PGS1: variants seen among roughly 807,000 people sequenced by gnomAD.
The protein encoded by PGS1 is CDP-diacylglycerol--glycerol-3-phosphate 3-phosphatidyltransferase, mitochondrial.
Under a neutral mutation model 58.3 loss-of-function variants are expected in PGS1, and 44 were observed. That is an observed-to-expected ratio of 0.75 (90% CI 0.59 to 0.97). The LOEUF (loss-of-function observed/expected upper bound fraction) is 0.97, where lower values mean the gene tolerates loss of function less well. Ranked by LOEUF, PGS1 falls within the 50% of genes least tolerant of loss-of-function variation. PGS1 has a pLI of 0.00. For missense variants in PGS1, 684 were observed against 731.1 expected (o/e 0.94, Z 0.74); for synonymous variants, 330 against 311.0 (o/e 1.06, Z -0.64).
At chr17:78,423,874 C>T (rs2086221390) in intron 9 of PGS1, 187 bp from the exon 10 acceptor site, 1 of 1,611,748 alleles carries the variant, frequency 6.2e-7, no homozygotes, top group Admixed American at 1.7e-5. Flanking sequence ...TGGTCCAGCC[C>T]CAGGGAGTGT....
At chr17:78,392,008 G>A (rs1459800189) in intron 1 of PGS1, among the ~76,000 whole-genome samples, 2 of 152,160 alleles carry the variant, frequency 1.3e-5, no homozygotes, top group Non-Finnish European at 2.9e-5. Flanking sequence ...GTCATAAAGC[G>A]GGGCATCTGG....
intron 6 of PGS1, among the ~76,000 whole-genome samples, chr17:78,401,439 C>T (rs764259223): frequency 6.6e-6 from 1 of 152,202 alleles, no homozygotes; most frequent in Non-Finnish European, 1.5e-5. Context: ...TCAGCTCTGC[C>T]CACTGGAACC....
intron 1 of PGS1, among the ~76,000 whole-genome samples, chr17:78,381,457 T>G (rs1433233514): frequency 6.6e-6 from 1 of 152,172 alleles, no homozygotes; most frequent in East Asian, 1.9e-4. Flanking sequence ...CTTATTCGGT[T>G]TGCAGTTCTT....
intron 8 of PGS1, among the ~76,000 whole-genome samples, chr17:78,417,195 G>C (rs1472866287): frequency 6.6e-6 from 1 of 152,206 alleles, no homozygotes; most frequent in Non-Finnish European, 1.5e-5. Context: ...CTGTTGTGGA[G>C]TCTGTGAGGA....
Position 78,403,618 on chromosome 17 carries a change from A to G in PGS1, c.931A>G (p.Ile311Val), listed in dbSNP as rs2083873278. The G allele has an allele frequency of 1.2e-6, 2 of 1,614,066 alleles. No individual in the cohort carries two copies. The highest frequency in any genetic ancestry group is 1.6e-4 in the Middle Eastern group (1 of 6,062). Residue 311 changes from isoleucine (I) to valine (V), a missense_variant, in exon 7 of 10, where the codon ATC becomes GTC. Transcript: ENST00000262764. ...AGCCAATAAGAGGGTCATGGATGTG[A>G]TCAACTCAGCCAGGACCCGCCAGCA... The part of the protein sequence containing the change: ...KAANKRVMDV[I>V]NSARTRQQML...
chr17:78,398,392 C>G lies in PGS1; in HGVS notation c.511+41C>G, dbSNP rs1276666511. The G allele has an allele frequency of 2.3e-6, 3 of 1,323,616 alleles. No individual in the cohort carries two copies. In the Admixed American group the frequency reaches 5.0e-5, roughly 22 times the overall value. The allele number at this position is 1,323,616 out of a possible 1,614,324, so 82.0% of individuals were successfully genotyped here. On this transcript the variant is annotated intron_variant, in intron 4 of 9. Transcript: ENST00000262764. ...GCCTGGCCCCTCCTGCTTCCTGTGT[C>G]AGATCCTCAGTCCCAAGAGGGGTTA...
chr17:78,409,538 A>T (rs2084447301), intron 7 of PGS1, among the ~76,000 whole-genome samples: 1 of 152,226 alleles, frequency 6.6e-6, no homozygotes, highest in South Asian at 2.1e-4. Flanking sequence ...CTGGGCACCC[A>T]GTGGGTGTGG....
At chr17:78,381,407 G>A (rs1022796700) in intron 1 of PGS1, among the ~76,000 whole-genome samples, 2 of 152,144 alleles carry the variant, frequency 1.3e-5, no homozygotes, top group Admixed American at 1.3e-4. Flanking sequence ...TGCTTTGACC[G>A]GTATTGAGTG....
At position 78,392,642 on chromosome 17, in the gene PGS1, G is replaced by C; in HGVS notation, c.310G>C (p.Ala104Pro). 1 of 1,613,828 alleles carries C rather than the reference G, an allele frequency of 6.2e-7. No homozygotes were observed. Among genetic ancestry groups the C allele is most frequent in the Non-Finnish European group, 8.5e-7 (1 of 1,179,884 alleles). ...SSHVRVLSSPAEFFELMKGQI... is the reference protein window; with the variant it reads ...SSHVRVLSSPPEFFELMKGQI... The stretch of plus-strand genomic sequence containing the variant: ...TCACGTTAGGGTGCTTTCTTCCCCG[G>C]CAGAGTTTTTCGAGCTCATGAAGGT... Residue 104 changes from alanine to proline, a missense_variant, in exon 2 of 10, where the codon GCA becomes CCA. Physicochemically the swap from Ala to Pro is conservative, Grantham distance 27 (BLOSUM62 -1). Coordinates refer to ENST00000262764, the MANE Select transcript of PGS1 (RefSeq NM_024419.5).
intron 9 of PGS1, chr17:78,420,441 C>T (rs776748961): frequency 6.3e-6 from 1 of 159,694 alleles, no homozygotes; most frequent in Non-Finnish European, 1.3e-5. Flanking sequence ...GGACTGCACT[C>T]CGGGTGGGGT....
chr17:78,395,682 A>G (rs1239252452), intron 2 of PGS1, among the ~76,000 whole-genome samples: 4 of 152,150 alleles, frequency 2.6e-5, no homozygotes, highest in East Asian at 1.9e-4. Flanking sequence ...CTGTCCATCT[A>G]TGTTTCAAGA....
intron 1 of PGS1, among the ~76,000 whole-genome samples, chr17:78,383,828 T>C (rs562641069): frequency 1.1e-3 from 166 of 152,352 alleles, no homozygotes; most frequent in African/African-American, 3.7e-3. Context: ...TGAATATTAA[T>C]GTGAGTATCC....
chr17:78,402,427 T>TATAC (rs1567973208), intron 6 of PGS1, among the ~76,000 whole-genome samples: 1 of 8,364 alleles, frequency 1.2e-4, no homozygotes, highest in African/African-American at 7.8e-4. Context: ...TATATATATA[T>TATAC]ACACACACAC....
Position 78,378,725 on chromosome 17 carries a change from C to G in PGS1, c.60C>G (p.Leu20=), listed in dbSNP as rs575655675. The change falls in exon 1 of 10, where the codon CTC becomes CTG. Residue 20 remains leucine (L), a synonymous_variant. Coordinates refer to ENST00000262764, the MANE Select transcript of PGS1 (RefSeq NM_024419.5). Reference sequence around the variant, plus strand: ...TGTTCTGGAGGCGACTGCTGGGCCTCCTGCCTGGCCGCCCAGGGCTGGCCG... The same window carrying G: ...TGTTCTGGAGGCGACTGCTGGGCCTGCTGCCTGGCCGCCCAGGGCTGGCCG... The part of the protein sequence containing the change: ...GPVFWRRLLG[L]LPGRPGLAAL... 6.6e-7 allele frequency: 1 copy of G among 1,516,230 alleles called. No homozygotes were observed. The highest frequency in any genetic ancestry group is 8.8e-7 in the Non-Finnish European group (1 of 1,138,542). The allele number at this position is 1,516,230 out of a possible 1,614,324, so 93.9% of individuals were successfully genotyped here.
Position 78,419,859 on chromosome 17 carries a change from G to C in PGS1, c.*10+184G>C. On this transcript the variant is annotated intron_variant, in intron 9 of 9. Transcript: ENST00000262764. ...AAGTTAGAAGCTGGATGCTAAATTA[G>C]GCAGTCTGTTCACTTTCCATCTGGT... 3 of 1,363,118 alleles carry C rather than the reference G, an allele frequency of 2.2e-6. 1 individual carries two copies. In the South Asian group the frequency reaches 4.3e-5, roughly 20 times the overall value. 84.4% of individuals were successfully genotyped at this position (1,363,118 alleles called of 1,614,324 possible). A position where few individuals can be genotyped will look rare whatever the true frequency, so the allele number is the denominator to read the frequency against.
chr17:78,391,503 A>T (rs1356361165), intron 1 of PGS1, among the ~76,000 whole-genome samples: 1 of 151,852 alleles, frequency 6.6e-6, no homozygotes, highest in East Asian at 1.9e-4. Flanking sequence ...TTTGAGACAG[A>T]GTCTCGTTCT....
At chr17:78,388,094 C>A (rs1465476794) in intron 1 of PGS1, among the ~76,000 whole-genome samples, 1 of 152,218 alleles carries the variant, frequency 6.6e-6, no homozygotes, top group Non-Finnish European at 1.5e-5. Context: ...CTTTTCCTCT[C>A]TAACAAAAAT....
intron 1 of PGS1, among the ~76,000 whole-genome samples, chr17:78,380,155 C>T (rs113854389): frequency 0.06 from 9,104 of 152,076 alleles, 368 homozygotes; most frequent in South Asian, 0.11. Context: ...CGTGAGCCAC[C>T]GTGCCCGGCT....
In PGS1 at chr17:78,399,292, G is replaced by C. The variant is rs1167983452; in HGVS notation, c.512-56G>C. ...GCCACGTGGAGGTGGCTCCTCATTG[G>C]GGGCAGGACGCCTTCCTGTTGTGAG... On this transcript the variant is annotated intron_variant, in intron 4 of 9. Transcript: ENST00000262764. 2.0e-5 allele frequency: 29 copies of C among 1,418,420 alleles called. 1 individual carries two copies. The South Asian group carries it at 2.9e-4, about 14-fold the overall frequency. 87.9% of individuals were successfully genotyped at this position (1,418,420 alleles called of 1,614,324 possible). A position where few individuals can be genotyped will look rare whatever the true frequency, so the allele number is the denominator to read the frequency against.
Sources: allele counts gnomAD v4.1 joint callset (sites outside exome capture counted in the v4.1 genomes callset), GRCh38; gene constraint gnomAD v4.1.1; transcripts MANE v1.5; gene names NCBI Gene and HGNC (gene_info 2026-07-23, HGNC 2026-07-21).